Variants in NIPAL2 observed in about 807,000 individuals in gnomAD.
NIPAL2 encodes NIPA like domain containing 2.
In NIPAL2, 43 loss-of-function variants were observed where a neutral mutation model predicts 48.9. The observed-to-expected ratio is 0.88, with a 90% CI of 0.69 to 1.13. The LOEUF (loss-of-function observed/expected upper bound fraction) is 1.13. NIPAL2 is among the 50% of genes most tolerant of loss of function. NIPAL2 has a pLI of 0.00. For missense variants in NIPAL2, 446 were observed against 461.4 expected (o/e 0.97, Z 0.31); for synonymous variants, 167 against 174.6 (o/e 0.96, Z 0.34).
intron 1 of NIPAL2, among the ~76,000 whole-genome samples, chr8:98,280,604 G>T (rs1442814182): frequency 1.3e-5 from 2 of 151,552 alleles, no homozygotes; most frequent in Non-Finnish European, 2.9e-5. Context: ...CCAGTAGACA[G>T]GTAGGCACAT....
At chr8:98,247,051 C>T (rs183803378) in intron 3 of NIPAL2, among the ~76,000 whole-genome samples, 9 of 152,292 alleles carry the variant, frequency 5.9e-5, no homozygotes, top group East Asian at 1.9e-4. Flanking sequence ...TGTAAGCCCA[C>T]GCTTTGGAGA....
chr8:98,277,874 G>A (rs1031145428), intron 1 of NIPAL2, among the ~76,000 whole-genome samples: 6 of 152,146 alleles, frequency 3.9e-5, no homozygotes, highest in African/African-American at 4.8e-5. Context: ...CCATTCATCC[G>A]TTGATAGATA....
chr8:98,242,280 C>A (rs563374199), intron 3 of NIPAL2, among the ~76,000 whole-genome samples: 1 of 151,992 alleles, frequency 6.6e-6, no homozygotes, highest in Admixed American at 6.5e-5. Flanking sequence ...CCTGAGCTCA[C>A]GTGATTCTCC....
intron 1 of NIPAL2, among the ~76,000 whole-genome samples, chr8:98,257,336 T>A (rs7462416): frequency 0.025 from 3,085 of 123,488 alleles, 87 homozygotes; most frequent in African/African-American, 0.076. Context: ...TATATATTTT[T>A]TTCTTTCTTT....
chr8:98,233,011 G>T (rs1812516159), intron 4 of NIPAL2, among the ~76,000 whole-genome samples: 1 of 152,178 alleles, frequency 6.6e-6, no homozygotes, highest in African/African-American at 2.4e-5. Flanking sequence ...TGTAATCCCA[G>T]CACTTTGGGA....
At chr8:98,252,413 G>A in intron 3 of NIPAL2, 50 bp downstream of exon 3, 2 of 1,464,864 alleles carry the variant, frequency 1.4e-6, no homozygotes, top group Non-Finnish European at 1.8e-6. Context: ...GTTTTTCTCC[G>A]ATTATTCTGC....
intron 1 of NIPAL2, among the ~76,000 whole-genome samples, chr8:98,269,931 G>A (rs1032276032): frequency 6.6e-6 from 1 of 152,138 alleles, no homozygotes; most frequent in African/African-American, 2.4e-5. Context: ...GTGAGAACAT[G>A]CAGTATTTGG....
Position 98,194,737 on chromosome 8 carries a change from T to G in NIPAL2, c.1030A>C (p.Asn344His). The change falls in exon 10 of 11, where the codon AAT (asparagine) becomes CAT (histidine). Residue 344 changes from asparagine to histidine, a missense_variant. Transcript: ENST00000430223. ...HLQQSYIDFG[N>H]IPGKQMLDKI... ...GAATATATGATTTTACCAGGAATAT[T>G]TCCAAAATCAATATAAGACTGTTGC... The G allele has an allele frequency of 1.3e-6, 2 of 1,544,926 alleles. No individual in the cohort carries two copies. Among genetic ancestry groups the G allele is most frequent in the Non-Finnish European group, 1.7e-6 (2 of 1,147,628 alleles).
At chr8:98,226,913 G>A (rs1812206378) in intron 4 of NIPAL2, among the ~76,000 whole-genome samples, 1 of 152,166 alleles carries the variant, frequency 6.6e-6, no homozygotes, top group South Asian at 2.1e-4. Context: ...CAGGCCTGGA[G>A]TCAGAAACCT....
At chr8:98,274,608 A>G (rs1295507803) in intron 1 of NIPAL2, among the ~76,000 whole-genome samples, 1 of 151,968 alleles carries the variant, frequency 6.6e-6, no homozygotes, top group East Asian at 1.9e-4. Context: ...ATATAATATA[A>G]TCACTCTTTT....
rs547698280 is a variant in NIPAL2, at chr8:98,206,186, T to TA, written c.656-941dup. ...GTTCAAAAATAATTTTTACATGAAATAAAAAAACTATAAGTCAAAGGCAAT... is the reference window on the plus strand; with the variant it reads ...GTTCAAAAATAATTTTTACATGAAATAAAAAAAACTATAAGTCAAAGGCAAT... On this transcript the variant is annotated intron_variant, in intron 6 of 10. Coordinates refer to ENST00000430223, the MANE Select transcript of NIPAL2 (RefSeq NM_001321635.2). 2.0e-5 allele frequency among the ~76,000 whole-genome samples: 3 copies of TA among 152,188 alleles called. No individual in the cohort carries two copies. The South Asian group carries it at 6.2e-4, about 32-fold the overall frequency.
rs559995757 is a variant in NIPAL2 at position 98,279,945 on chromosome 8, T to G, written c.135+14058A>C. ...GTGGTGGCAGCCACAGCATACAATTTATATAGAATGAGGTTCAAAATAGCA... is the reference window on the plus strand; with the variant it reads ...GTGGTGGCAGCCACAGCATACAATTGATATAGAATGAGGTTCAAAATAGCA... On this transcript the variant is annotated intron_variant, in intron 1 of 10. Transcript: ENST00000430223. Among the ~76,000 whole-genome samples, 7 of 152,322 alleles carry G rather than the reference T, an allele frequency of 4.6e-5. No individual in the cohort carries two copies. The East Asian group carries it at 1.3e-3, about 29-fold the overall frequency.
intron 1 of NIPAL2, among the ~76,000 whole-genome samples, chr8:98,290,543 T>G (rs1816435706): frequency 2.0e-5 from 3 of 152,214 alleles, no homozygotes; most frequent in African/African-American, 7.2e-5. Context: ...TGAGGGAAGC[T>G]GGAGATCTTT....
intron 1 of NIPAL2, among the ~76,000 whole-genome samples, chr8:98,288,027 A>T (rs979446399): frequency 6.6e-5 from 10 of 152,248 alleles, no homozygotes; most frequent in African/African-American, 2.4e-4. Flanking sequence ...ATTATTTTTT[A>T]TTTTATACAT....
At chr8:98,278,033 T>C (rs1378511379) in intron 1 of NIPAL2, among the ~76,000 whole-genome samples, 2 of 152,222 alleles carry the variant, frequency 1.3e-5, no homozygotes, top group Non-Finnish European at 2.9e-5. Context: ...TGCAAATATC[T>C]TCATCTTTCC....
intron 3 of NIPAL2, among the ~76,000 whole-genome samples, chr8:98,249,111 C>T (rs1453735111): frequency 1.3e-5 from 2 of 152,126 alleles, no homozygotes; most frequent in African/African-American, 4.8e-5. Context: ...GGAGACCTGG[C>T]GTACTGCATC....
intron 6 of NIPAL2, among the ~76,000 whole-genome samples, chr8:98,210,538 C>T (rs181162292): frequency 4.6e-5 from 7 of 152,214 alleles, no homozygotes; most frequent in South Asian, 4.1e-4. Context: ...CTTTTGTAAA[C>T]GTTACACAGG....
In NIPAL2 at chr8:98,288,083, A is replaced by G. The variant is rs1007675663; in HGVS notation, c.135+5920T>C. ...ACTTTAAGTTTTAGGGTACATGTGC[A>G]CATTGTGCAGGTTAGTTACATATGT... On this transcript the variant is annotated intron_variant, in intron 1 of 10. Transcript: ENST00000430223. Among the ~76,000 whole-genome samples, 21 of 152,082 alleles carry G rather than the reference A, an allele frequency of 1.4e-4. No individual in the cohort carries two copies. In the East Asian group the frequency reaches 3.9e-3, roughly 28 times the overall value.
intron 1 of NIPAL2, among the ~76,000 whole-genome samples, chr8:98,286,992 G>C (rs888313904): frequency 2.6e-5 from 4 of 152,122 alleles, no homozygotes; most frequent in African/African-American, 9.7e-5. Flanking sequence ...GGCCATGACA[G>C]ACTGGGTGAA....
Sources: gnomAD v4.1 joint callset for allele counts (sites outside exome capture counted in the v4.1 genomes callset) on GRCh38, gnomAD v4.1.1 for gene constraint, MANE v1.5 for transcripts, NCBI Gene and HGNC (gene_info 2026-07-23, HGNC 2026-07-21) for gene names.